Variants in PRDM1 observed in about 807,000 individuals in gnomAD.
PRDM1 encodes the protein PR/SET domain 1.
Under a neutral mutation model 62.8 loss-of-function variants are expected in PRDM1, and 13 were observed. The observed-to-expected ratio is 0.21, with a 90% CI of 0.13 to 0.33. The LOEUF is 0.33. Ranked by LOEUF, PRDM1 falls within the 10% of genes least tolerant of loss-of-function variation. The probability of loss-of-function intolerance (pLI) is 1.00; values close to 1 mark genes in which losing one functional copy is unlikely to be tolerated. For missense variants in PRDM1, 895 were observed against 1,058.8 expected (o/e 0.85, Z 2.15); for synonymous variants, 396 against 417.6 (o/e 0.95, Z 0.63).
chr6:106,055,370 T>C lies in PRDM1; in HGVS notation c.-67+6656T>C, dbSNP rs146372947. On this transcript the variant is annotated intron_variant, in intron 1 of 6. Transcript: ENST00000651185. ...TACATGTCTTGCATTATTATATACA[T>C]GAGAGATATTATTAATCGGATCAGG... 8.0e-3 allele frequency among the ~76,000 whole-genome samples: 1,223 copies of C among 152,340 alleles called. 20 individuals are homozygous for C. Among genetic ancestry groups the C allele is most frequent in the African/African-American group, 0.028 (1,180 of 41,578 alleles).
chr6:106,089,382 C>CA (rs1456364301), intron 2 of PRDM1, among the ~76,000 whole-genome samples: 1 of 151,986 alleles, frequency 6.6e-6, no homozygotes, highest in Admixed American at 6.6e-5. Context: ...GATGGTTGGC[C>CA]GTAGAAATCC....
upstream of PRDM1, chr6:106,045,984 G>A (rs986061421): frequency 3.3e-5 from 5 of 151,988 alleles, no homozygotes; most frequent in Non-Finnish European, 5.9e-5. Flanking sequence ...CACACTTGGC[G>A]CCTCCAAATA....
intron 1 of PRDM1, among the ~76,000 whole-genome samples, chr6:106,061,097 C>T (rs1431945827): frequency 1.3e-5 from 2 of 152,216 alleles, no homozygotes; most frequent in Non-Finnish European, 2.9e-5. Flanking sequence ...CGGTTTTTAG[C>T]CGGTGTCCCT....
At chr6:106,083,469 CTACAA>C (rs1773731581), upstream of PRDM1, among the ~76,000 whole-genome samples, 1 of 151,962 alleles carries the variant, frequency 6.6e-6, no homozygotes, top group Non-Finnish European at 1.5e-5. Context: ...TCCCTTCATT[CTACAA>C]TAGTCCTTTC....
intron 1 of PRDM1, among the ~76,000 whole-genome samples, chr6:106,026,155 AG>A (rs1772763403): frequency 6.6e-6 from 1 of 152,178 alleles, no homozygotes; most frequent in South Asian, 2.1e-4. Context: ...CTTCGATGCA[AG>A]AAGAATCCTA....
At chr6:106,066,005 T>C (rs1432324284) in intron 1 of PRDM1, among the ~76,000 whole-genome samples, 2 of 152,222 alleles carry the variant, frequency 1.3e-5, no homozygotes, top group African/African-American at 4.8e-5. Flanking sequence ...CCCTTGCCCA[T>C]GGAAGCTGAG....
upstream of PRDM1, among the ~76,000 whole-genome samples, chr6:106,044,684 A>C (rs766956540): frequency 6.6e-6 from 1 of 152,326 alleles, no homozygotes; most frequent in South Asian, 2.1e-4. Flanking sequence ...GATCATCACT[A>C]TCCTTGTGAT....
intron 1 of PRDM1, among the ~76,000 whole-genome samples, chr6:105,996,160 CTT>C (rs1358358291): frequency 6.6e-6 from 1 of 152,064 alleles, no homozygotes; most frequent in African/African-American, 2.4e-5. Flanking sequence ...TAAACTAAGT[CTT>C]ATAAAGAATA....
At chr6:106,083,360 T>C (rs950020670), upstream of PRDM1, among the ~76,000 whole-genome samples, 4 of 152,044 alleles carry the variant, frequency 2.6e-5, no homozygotes, top group African/African-American at 9.7e-5. Flanking sequence ...TGGGTACATT[T>C]CATCCCTTTT....
intron 1 of PRDM1, among the ~76,000 whole-genome samples, chr6:106,054,613 C>T (rs941366736): frequency 6.6e-6 from 1 of 152,148 alleles, no homozygotes; most frequent in African/African-American, 2.4e-5. Context: ...TTGGATATTT[C>T]AGCCTAAGAA....
chr6:106,099,059 C>G, intron 3 of PRDM1: 1 of 1,613,812 alleles, frequency 6.2e-7, no homozygotes, highest in Non-Finnish European at 8.5e-7. Flanking sequence ...GTTATTTTCC[C>G]GAACATGAAA....
At chr6:106,060,523 A>G (rs1469943874) in intron 1 of PRDM1, among the ~76,000 whole-genome samples, 1 of 152,178 alleles carries the variant, frequency 6.6e-6, no homozygotes, top group Non-Finnish European at 1.5e-5. Flanking sequence ...ATAAGTAATG[A>G]AAGAGGAGGA....
rs7765560 is a variant in PRDM1 at position 106,026,428 on chromosome 6, A to C, written c.-67+32789A>C. Among the ~76,000 whole-genome samples the C allele has an allele frequency of 8.1e-3, 1,240 of 152,230 alleles. 19 individuals carry two copies. Among genetic ancestry groups the C allele is most frequent in the African/African-American group, 0.029 (1,197 of 41,538 alleles). ...CGGGAGGCAGAGGTTGCAGCGAGCC[A>C]AGATCGTGCCATTGCACTCCAGCCT... On this transcript the variant is annotated intron_variant, in intron 1 of 6. Transcript: ENST00000652320.
chr6:106,013,298 A>T (rs867914353), intron 1 of PRDM1, among the ~76,000 whole-genome samples: 24 of 146,548 alleles, frequency 1.6e-4, no homozygotes, highest in Non-Finnish European at 7.5e-5. Context: ...ATCCTCATTC[A>T]CCCCTGCCTG....
intron 2 of PRDM1, among the ~76,000 whole-genome samples, chr6:106,095,173 C>A (rs1490887396): frequency 6.6e-6 from 1 of 152,072 alleles, no homozygotes; most frequent in African/African-American, 2.4e-5. Flanking sequence ...GAGGTCAGAA[C>A]TATTTTATTC....
chr6:106,038,012 G>GTTTTTTTTTT (rs1302119750), intron 1 of PRDM1, among the ~76,000 whole-genome samples: 3 of 20,524 alleles, frequency 1.5e-4, no homozygotes, highest in African/African-American at 4.3e-4. Flanking sequence ...TGCTATTTTT[G>GTTTTTTTTTT]TCTTTTTTTT....
At chr6:105,992,728 G>C (rs1772294497), upstream of PRDM1, among the ~76,000 whole-genome samples, 1 of 152,174 alleles carries the variant, frequency 6.6e-6, no homozygotes, top group South Asian at 2.1e-4. Context: ...AACGCCATGT[G>C]GAAACAATGC....
At chr6:106,042,634 T>G (rs955170970) in intron 1 of PRDM1, among the ~76,000 whole-genome samples, 15 of 152,178 alleles carry the variant, frequency 9.9e-5, no homozygotes, top group African/African-American at 2.7e-4. Context: ...TCTAGAGTTG[T>G]CCTCAGAATA....
At chr6:106,008,750 G>A (rs992533520) in intron 1 of PRDM1, among the ~76,000 whole-genome samples, 2 of 152,152 alleles carry the variant, frequency 1.3e-5, no homozygotes, top group South Asian at 2.1e-4. Flanking sequence ...CTTTATCCCC[G>A]TTTCTCCAGG....
Sources: gnomAD v4.1 joint callset for allele counts (sites outside exome capture counted in the v4.1 genomes callset) on GRCh38, gnomAD v4.1.1 for gene constraint, MANE v1.5 for transcripts, NCBI Gene and HGNC (gene_info 2026-07-23, HGNC 2026-07-21) for gene names.